EVI5: variants seen among roughly 807,000 people sequenced by gnomAD.
EVI5 encodes ecotropic viral integration site 5.
A neutral mutation model predicts 112.0 loss-of-function variants in EVI5; 73 were observed. The ratio of observed to expected loss-of-function variants is 0.65; its 90% CI spans 0.54 to 0.79. The LOEUF is 0.79. Among genes scored for constraint, EVI5 ranks in the 30% least tolerant of loss-of-function variants. EVI5 has a pLI of 0.00. For missense variants in EVI5, 900 were observed against 968.8 expected (o/e 0.93, Z 0.94); for synonymous variants, 305 against 319.9 (o/e 0.95, Z 0.50).
chr1:92,756,633 C>A, intron 1 of EVI5: 1 of 504,912 alleles, frequency 2.0e-6, no homozygotes, highest in South Asian at 1.5e-5. Context: ...TCTAGACAGT[C>A]TCCCAGCCCT....
intron 1 of EVI5, chr1:92,756,853 A>C: frequency 2.1e-6 from 1 of 478,894 alleles, no homozygotes. Context: ...GCTGTCCCTC[A>C]CTGGCAATAG....
intron 1 of EVI5, among the ~76,000 whole-genome samples, chr1:92,772,945 C>CGTGA (rs1267145290): frequency 1.4e-5 from 2 of 143,116 alleles, no homozygotes; most frequent in Non-Finnish European, 3.0e-5. Context: ...TGGTGGCTCA[C>CGTGA]ACTTGTAATC....
chr1:92,683,013 AT>A (rs764849859), intron 9 of EVI5, among the ~76,000 whole-genome samples: 5 of 152,210 alleles, frequency 3.3e-5, no homozygotes, highest in Non-Finnish European at 7.4e-5. Context: ...AGTGACATTT[AT>A]CTTATTTATG....
In EVI5 at chr1:92,740,805, T is replaced by A. The variant is rs186934126; in HGVS notation, c.-81-4178A>T. Among the ~76,000 whole-genome samples the A allele has an allele frequency of 2.2e-4, 33 of 152,320 alleles. No individual in the cohort carries two copies. In the East Asian group the frequency reaches 5.2e-3, roughly 24 times the overall value. ...TTTCTTATAGTCATATGGAAAAGTA[T>A]CTAAAATAGTATCCCTATCACTCCC... On this transcript the variant is annotated intron_variant, in intron 1 of 19. Coordinates refer to ENST00000684568, the MANE Select transcript of EVI5 (RefSeq NM_001350197.2).
intron 9 of EVI5, among the ~76,000 whole-genome samples, chr1:92,686,111 G>T (rs1406005000): frequency 6.6e-6 from 1 of 152,014 alleles, no homozygotes; most frequent in Non-Finnish European, 1.5e-5. Flanking sequence ...AGAATTTTAG[G>T]CCAATACCCC....
chr1:92,704,392 A>T (rs1315720119), intron 3 of EVI5, among the ~76,000 whole-genome samples, 163 bp downstream of exon 3: 1 of 152,212 alleles, frequency 6.6e-6, no homozygotes, highest in Non-Finnish European at 1.5e-5. Flanking sequence ...GATGTCTACA[A>T]ATTAAAACTT....
intron 1 of EVI5, among the ~76,000 whole-genome samples, chr1:92,744,598 TCTCACACACACACACACACACACA>T (rs1678987351): frequency 1.7e-5 from 1 of 58,524 alleles, no homozygotes; most frequent in Non-Finnish European, 3.4e-5. Flanking sequence ...TCTCTCTCTC[TCTCACACACACACACACACACACA>T]CACACACACA....
At chr1:92,765,874 G>A (rs1357928036) in intron 1 of EVI5, among the ~76,000 whole-genome samples, 1 of 151,910 alleles carries the variant, frequency 6.6e-6, no homozygotes, top group Non-Finnish European at 1.5e-5. Flanking sequence ...CTGCAAGCTC[G>A]AGATCAGCCT....
At chr1:92,750,311 C>A (rs368157927) in intron 1 of EVI5, among the ~76,000 whole-genome samples, 39 of 152,088 alleles carry the variant, frequency 2.6e-4, no homozygotes, top group African/African-American at 8.5e-4. Flanking sequence ...GAAGGCAGCA[C>A]AGATACAAAT....
chr1:92,764,440 T>TTTC (rs1682319461), intron 1 of EVI5, among the ~76,000 whole-genome samples: 1 of 152,236 alleles, frequency 6.6e-6, no homozygotes, highest in African/African-American at 2.4e-5. Context: ...CATAATTCCG[T>TTTC]TTCTACTCTG....
intron 19 of EVI5, among the ~76,000 whole-genome samples, chr1:92,521,568 G>A (rs1300116421): frequency 1.3e-5 from 2 of 152,050 alleles, no homozygotes; most frequent in African/African-American, 4.8e-5. Context: ...GTGTGTGCCT[G>A]TAATCCCAGC....
chr1:92,622,434 C>T (rs1324439672), intron 16 of EVI5: 1 of 314,998 alleles, frequency 3.2e-6, no homozygotes, highest in African/African-American at 2.2e-5. Context: ...GAAACATAAG[C>T]AAGAATGTTC....
chr1:92,585,031 T>C (rs1452539932), intron 18 of EVI5, among the ~76,000 whole-genome samples: 1 of 151,918 alleles, frequency 6.6e-6, no homozygotes, highest in African/African-American at 2.4e-5. Context: ...CGAGACCAGT[T>C]TGGCCAACGT....
chr1:92,514,317 C>G (rs967910705), intron 19 of EVI5, among the ~76,000 whole-genome samples: 2 of 151,872 alleles, frequency 1.3e-5, no homozygotes, highest in Non-Finnish European at 2.9e-5. Context: ...CCATGCCTGG[C>G]TAATTTTTTT....
At chr1:92,784,359 TGCCCATCAGCAGCCTGGAGACAC>T in intron 1 of EVI5, 1 of 985,370 alleles carries the variant, frequency 1.0e-6, no homozygotes, top group South Asian at 4.7e-5. Context: ...ACATCTGTCT[TGCCCATCAGCAGCCTGGAGACAC>T]GCCATGCGCA....
chr1:92,698,064 C>T, intron 5 of EVI5, 79 bp from the exon 6 acceptor site: 2 of 1,300,450 alleles, frequency 1.5e-6, no homozygotes, highest in East Asian at 4.6e-5. Flanking sequence ...AAACTAAGTA[C>T]ACAGCCAACC....
intron 16 of EVI5, chr1:92,622,286 C>T: frequency 4.5e-6 from 2 of 442,084 alleles, no homozygotes; most frequent in Middle Eastern, 3.3e-4. Context: ...ATCCTTTGTA[C>T]TTGGTTTTAC....
At position 92,607,614 on chromosome 1, in the gene EVI5, T is replaced by G; in HGVS notation, c.1941A>C (p.Glu647Asp). 1 of 1,597,000 alleles carries G rather than the reference T, an allele frequency of 6.3e-7. No homozygotes were observed. Among genetic ancestry groups the G allele is most frequent in the Non-Finnish European group, 8.5e-7 (1 of 1,174,956 alleles). ...QNKGLLTQLSEAKRKQAEIEC... is the reference protein window; with the variant it reads ...QNKGLLTQLSDAKRKQAEIEC... ...CAATCTCTGCTTGTTTACGCTTTGC[T>G]TCACTTAATTGAGTAAGGAGTCCTT... The change falls in exon 17 of 20, where the codon GAA (glutamate) becomes GAC (aspartate). Residue 647 changes from glutamate to aspartate, a missense_variant. Transcript: ENST00000684568.
intron 9 of EVI5, among the ~76,000 whole-genome samples, chr1:92,685,587 C>A (rs185726718): frequency 5.3e-5 from 8 of 152,196 alleles, no homozygotes; most frequent in African/African-American, 1.9e-4. Flanking sequence ...ACACAAAAAT[C>A]CCTTCAAAAA....
Sources: allele counts gnomAD v4.1 joint callset (sites outside exome capture counted in the v4.1 genomes callset), GRCh38; gene constraint gnomAD v4.1.1; transcripts MANE v1.5; gene names NCBI Gene and HGNC (gene_info 2026-07-23, HGNC 2026-07-21).